FSTL4: variants seen among roughly 807,000 people sequenced by gnomAD.
FSTL4 encodes follistatin like 4.
FSTL4 carries 28 observed loss-of-function variants against 78.2 expected under a neutral mutation model. The ratio of observed to expected loss-of-function variants is 0.36; its 90% CI spans 0.27 to 0.49. FSTL4 has a LOEUF of 0.49. Ranked by LOEUF, FSTL4 falls within the 20% of genes least tolerant of loss-of-function variation. The pLI, the probability that FSTL4 is intolerant of heterozygous loss-of-function variation, is 0.98. For missense variants in FSTL4, 922 were observed against 1,084.9 expected (o/e 0.85, Z 2.11); for synonymous variants, 422 against 440.5 (o/e 0.96, Z 0.53).
intron 6 of FSTL4, among the ~76,000 whole-genome samples, chr5:133,295,459 GCAAA>G: frequency 6.6e-6 from 1 of 152,108 alleles, no homozygotes; most frequent in Admixed American, 6.5e-5. Flanking sequence ...ACGTGTGTTT[GCAAA>G]AGCCTTCTTG....
chr5:133,509,008 C>T (rs1342324091), intron 3 of FSTL4, among the ~76,000 whole-genome samples: 1 of 152,176 alleles, frequency 6.6e-6, no homozygotes, highest in Non-Finnish European at 1.5e-5. Flanking sequence ...TCTAGAAGCA[C>T]ATTAAAGGAC....
intron 4 of FSTL4, among the ~76,000 whole-genome samples, chr5:133,337,730 G>A (rs532852496): frequency 2.0e-5 from 3 of 152,270 alleles, no homozygotes; most frequent in South Asian, 2.1e-4. Flanking sequence ...TTACAGAGTC[G>A]ATGCTGCACA....
rs1018037263 is a variant in FSTL4, at chr5:133,338,263, C to T, written c.410-21611G>A. ...TTCCTGTCTGCTCCATGCTTAGAGG[C>T]CCTGGTGGGGTGTGCTGACCCATTT... On this transcript the variant is annotated intron_variant, in intron 4 of 15. Transcript: ENST00000265342. The surrounding 1 kb of genome is among the most constrained non-coding windows in gnomAD (Gnocchi z 4.0). 6.6e-6 allele frequency among the ~76,000 whole-genome samples: 1 copy of T among 152,148 alleles called. No individual in the cohort carries two copies. Among genetic ancestry groups the T allele is most frequent in the African/African-American group, 2.4e-5 (1 of 41,428 alleles).
intron 11 of FSTL4, among the ~76,000 whole-genome samples, chr5:133,221,913 T>TTTGTTTG (rs1167800807): frequency 9.2e-5 from 9 of 97,840 alleles, no homozygotes; most frequent in East Asian, 6.4e-4. Context: ...TTTTTTTTTT[T>TTTGTTTG]TTTTTTTTTT....
chr5:133,804,118 C>G, the FSTL4 span, among the ~76,000 whole-genome samples: 7 of 152,278 alleles, frequency 4.6e-5, no homozygotes, highest in African/African-American at 1.4e-4. Flanking sequence ...ATTGGATAAG[C>G]CTCTAAATCC....
rs189388039 is a variant in FSTL4 at position 133,606,193 on chromosome 5, T to A, written c.-10-2200A>T. Reference sequence around the variant, plus strand: ...TGGAGTTCAATGGTGCGATCTCGGCTCACTGCAACCTCCGCCTCCTGGGTT... The same window carrying A: ...TGGAGTTCAATGGTGCGATCTCGGCACACTGCAACCTCCGCCTCCTGGGTT... On this transcript the variant is annotated intron_variant, in intron 1 of 15. Transcript: ENST00000265342. Among the ~76,000 whole-genome samples, 159 of 152,354 alleles carry A rather than the reference T, an allele frequency of 1.0e-3. 5 individuals are homozygous for A. The highest frequency in any genetic ancestry group is 0.01 in the Admixed American group (157 of 15,308).
chr5:133,493,700 C>T (rs1021201822), intron 3 of FSTL4, among the ~76,000 whole-genome samples: 1 of 152,202 alleles, frequency 6.6e-6, no homozygotes, highest in Non-Finnish European at 1.5e-5. Context: ...CATTGGCTTG[C>T]TCACTCGTCA....
At chr5:133,826,453 A>AG in the FSTL4 span, among the ~76,000 whole-genome samples, 1 of 152,190 alleles carries the variant, frequency 6.6e-6, no homozygotes, top group Admixed American at 6.5e-5. Context: ...GACTCCCTCC[A>AG]GGGACCCTAA....
intron 3 of FSTL4, among the ~76,000 whole-genome samples, chr5:133,401,890 G>A (rs962176359): frequency 2.0e-5 from 3 of 152,240 alleles, no homozygotes; most frequent in East Asian, 1.9e-4. Flanking sequence ...TGTGATTTCT[G>A]GGAGACTTGG....
intron 4 of FSTL4, among the ~76,000 whole-genome samples, chr5:133,391,278 G>A (rs1436790004): frequency 6.6e-6 from 1 of 152,178 alleles, no homozygotes; most frequent in Non-Finnish European, 1.5e-5. Flanking sequence ...GAACCTTAAA[G>A]GAGTCCCAAA....
At chr5:133,812,122 C>T in the FSTL4 span, among the ~76,000 whole-genome samples, 3 of 152,204 alleles carry the variant, frequency 2.0e-5, no homozygotes, top group Admixed American at 1.3e-4. Flanking sequence ...GAATAATCAG[C>T]CACTCCACAC....
intron 3 of FSTL4, among the ~76,000 whole-genome samples, chr5:133,520,726 G>A (rs935238921): frequency 6.6e-6 from 1 of 152,130 alleles, no homozygotes; most frequent in Non-Finnish European, 1.5e-5. Flanking sequence ...ACACAGGTAT[G>A]TGTGTGTATT....
At chr5:133,321,147 G>A (rs1318014023) in intron 4 of FSTL4, among the ~76,000 whole-genome samples, 1 of 152,186 alleles carries the variant, frequency 6.6e-6, no homozygotes, top group Non-Finnish European at 1.5e-5. Flanking sequence ...AAGAGAGGTG[G>A]GGGGTATGGG....
intron 3 of FSTL4, among the ~76,000 whole-genome samples, chr5:133,444,995 C>T (rs1463052364): frequency 6.6e-6 from 1 of 152,224 alleles, no homozygotes; most frequent in Non-Finnish European, 1.5e-5. Flanking sequence ...GAGGCAGCCT[C>T]CAAGCTGGGC....
rs1168329814 is a variant in FSTL4 at position 133,312,728 on chromosome 5, G to C, written c.653C>G (p.Pro218Arg). 1 of 1,613,696 alleles carries C rather than the reference G, an allele frequency of 6.2e-7. No individual in the cohort carries two copies. Among genetic ancestry groups the C allele is most frequent in the Non-Finnish European group, 8.5e-7 (1 of 1,179,658 alleles). ...ATCGTCAAATCGGAGGAGGTCACCT[G>C]GTGAGCAACCAAGTAAGTCTTCATC... ...DLDEDLLGCS[P>R]GDLLRFDDYN... Residue 218 changes from proline to arginine, a missense_variant, in exon 6 of 16, where the codon CCA (proline) becomes CGA (arginine). Physicochemically the swap from Pro to Arg is moderately radical, Grantham distance 103. Transcript: ENST00000265342.
intron 6 of FSTL4, among the ~76,000 whole-genome samples, chr5:133,284,027 GATCCA>G (rs1446647127): frequency 6.6e-6 from 1 of 152,198 alleles, no homozygotes; most frequent in African/African-American, 2.4e-5. Flanking sequence ...TTGATCCCAT[GATCCA>G]ATCACCTCCC....
the FSTL4 span, among the ~76,000 whole-genome samples, chr5:133,840,071 C>G: frequency 2.0e-5 from 3 of 152,174 alleles, no homozygotes; most frequent in East Asian, 5.8e-4. Flanking sequence ...GGGACAAAAC[C>G]TTCCTTCTAC....
In FSTL4 at chr5:133,430,041, T is replaced by C. The variant is rs561785847; in HGVS notation, c.161-29055A>G. ...CTCATAATTAGTACTTGAGAAAGAT[T>C]GGACAGCCATAAGATATACAAAGCA... On this transcript the variant is annotated intron_variant, in intron 3 of 15. Coordinates refer to ENST00000265342, the MANE Select transcript of FSTL4 (RefSeq NM_015082.2). Among the ~76,000 whole-genome samples, 13 of 152,346 alleles carry C rather than the reference T, an allele frequency of 8.5e-5. No homozygotes were observed. In the South Asian group the frequency reaches 2.7e-3, roughly 32 times the overall value.
At chr5:133,485,208 CGCT>C (rs1336843596) in intron 3 of FSTL4, among the ~76,000 whole-genome samples, 1 of 152,186 alleles carries the variant, frequency 6.6e-6, no homozygotes, top group Non-Finnish European at 1.5e-5. Flanking sequence ...CTTCAGCAGC[CGCT>C]GCTGTAGGAA....
Sources: gnomAD v4.1 joint callset for allele counts (sites outside exome capture counted in the v4.1 genomes callset) on GRCh38, gnomAD v4.1.1 for gene constraint, Gnocchi (gnomAD v3.1) non-coding constraint, MANE v1.5 for transcripts, NCBI Gene and HGNC (gene_info 2026-07-23, HGNC 2026-07-21) for gene names.